Variants in PXYLP1 observed in about 807,000 individuals in gnomAD.
PXYLP1 encodes the protein acid phosphatase-like 2.
A neutral mutation model predicts 37.9 loss-of-function variants in PXYLP1; 17 were observed. The observed-to-expected ratio is 0.45, with a 90% CI of 0.31 to 0.67. The LOEUF (loss-of-function observed/expected upper bound fraction) is 0.67. Among genes scored for constraint, PXYLP1 ranks in the 30% least tolerant of loss-of-function variants. The pLI is 0.07. For synonymous variants in PXYLP1, 221 were observed against 232.2 expected (o/e 0.95, Z 0.44); for missense variants, 511 against 612.0 (o/e 0.84, Z 1.74).
chr3:141,280,538 TGAA>T (rs1182658724), intron 4 of PXYLP1, among the ~76,000 whole-genome samples: 1 of 152,370 alleles, frequency 6.6e-6, no homozygotes, highest in East Asian at 1.9e-4. Flanking sequence ...ATCCTTTGTG[TGAA>T]GAGGGTGGAG....
chr3:141,272,406 A>C (rs1941685624), intron 2 of PXYLP1, among the ~76,000 whole-genome samples: 1 of 152,174 alleles, frequency 6.6e-6, no homozygotes, highest in Non-Finnish European at 1.5e-5. Flanking sequence ...AATGGAATAA[A>C]CAAAAAATCA....
intron 2 of PXYLP1, among the ~76,000 whole-genome samples, chr3:141,266,575 G>T (rs1941516261): frequency 1.6e-5 from 2 of 127,436 alleles, no homozygotes; most frequent in Admixed American, 1.6e-4. Flanking sequence ...AACCTGCTTA[G>T]AAGTTCTCAG....
chr3:141,291,145 C>T (rs2148846805), intron 5 of PXYLP1, among the ~76,000 whole-genome samples: 1 of 152,226 alleles, frequency 6.6e-6, no homozygotes, highest in Middle Eastern at 3.4e-3. Context: ...CTCTGTCTCA[C>T]AATTTTCAGC....
intron 4 of PXYLP1, among the ~76,000 whole-genome samples, chr3:141,281,594 T>A (rs750632904): frequency 1.9e-4 from 29 of 151,944 alleles, no homozygotes; most frequent in Non-Finnish European, 3.8e-4. Context: ...ATGGAAGTAG[T>A]TTGGGTGCCA....
At chr3:141,259,583 C>G (rs1941344048) in intron 1 of PXYLP1, among the ~76,000 whole-genome samples, 1 of 152,152 alleles carries the variant, frequency 6.6e-6, no homozygotes, top group South Asian at 2.1e-4. Context: ...GCAGATGGAG[C>G]TAGTCGGTGT....
At chr3:141,244,488 T>C (rs552925622) in intron 1 of PXYLP1, among the ~76,000 whole-genome samples, 2 of 151,922 alleles carry the variant, frequency 1.3e-5, no homozygotes, top group African/African-American at 4.8e-5. Context: ...AGCAGCCATC[T>C]CCCGCTAGAC....
intron 2 of PXYLP1, chr3:141,273,930 G>T: frequency 1.0e-6 from 1 of 985,412 alleles, no homozygotes; most frequent in Non-Finnish European, 1.2e-6. Context: ...TAGATTCATG[G>T]GTTTTCCCAC....
chr3:141,253,706 C>A (rs372681831), intron 1 of PXYLP1, among the ~76,000 whole-genome samples: 3 of 120,226 alleles, frequency 2.5e-5, no homozygotes, highest in African/African-American at 8.6e-5. Context: ...AAAAAAAAAA[C>A]ACCTTTAACT....
intron 1 of PXYLP1, among the ~76,000 whole-genome samples, chr3:141,246,897 G>A (rs1372081866): frequency 6.6e-6 from 1 of 152,176 alleles, no homozygotes; most frequent in Non-Finnish European, 1.5e-5. Context: ...GCAATAACTG[G>A]TCTCATTCTC....
At chr3:141,261,317 C>T (rs1180623415) in intron 2 of PXYLP1, among the ~76,000 whole-genome samples, 1 of 152,166 alleles carries the variant, frequency 6.6e-6, no homozygotes, top group Non-Finnish European at 1.5e-5. Context: ...CCACACCTAG[C>T]TAATTTTTTG....
intron 1 of PXYLP1, among the ~76,000 whole-genome samples, chr3:141,254,485 G>A (rs2148730280): frequency 6.6e-6 from 1 of 152,344 alleles, no homozygotes; most frequent in South Asian, 2.1e-4. Flanking sequence ...GTGAATAACT[G>A]CTGTGAACTC....
intron 1 of PXYLP1, among the ~76,000 whole-genome samples, chr3:141,250,621 G>C (rs1046726471): frequency 2.6e-5 from 4 of 152,240 alleles, no homozygotes; most frequent in African/African-American, 9.6e-5. Context: ...AGGCTTCTTT[G>C]CTTCCAGTAG....
At chr3:141,271,184 A>G (rs1331288114) in intron 2 of PXYLP1, among the ~76,000 whole-genome samples, 2 of 152,232 alleles carry the variant, frequency 1.3e-5, no homozygotes, top group Non-Finnish European at 2.9e-5. Flanking sequence ...GATGAAGGAA[A>G]TGAGGCACAG....
chr3:141,289,264 G>A (rs891533866), intron 5 of PXYLP1, among the ~76,000 whole-genome samples: 1 of 138,858 alleles, frequency 7.2e-6, no homozygotes. Context: ...AAATGGTTTT[G>A]TGTTCTAGAC....
chr3:141,293,141 T>C lies in PXYLP1; in HGVS notation c.1379T>C (p.Met460Thr). The C allele has an allele frequency of 6.2e-7, 1 of 1,614,132 alleles. No homozygotes were observed. The highest frequency in any genetic ancestry group is 8.5e-7 in the Non-Finnish European group (1 of 1,180,034). The change falls in exon 6 of 6, where the codon ATG becomes ACG. Residue 460 changes from methionine (M) to threonine (T), a missense_variant. Physicochemically the swap from Met to Thr is moderately conservative, Grantham distance 81 (BLOSUM62 -1). Transcript: ENST00000286353. ...TTGGTCCGCTTTGTGAAAAGGGACA[T>C]GTTTGTAGCCCTGGGTGGCAGTGGT... Reference protein sequence around the residue: ...ENLVRFVKRDMFVALGGSGTN... With the variant: ...ENLVRFVKRDTFVALGGSGTN...
chr3:141,232,144 C>T (rs1048094636), intron 1 of PXYLP1, among the ~76,000 whole-genome samples: 1 of 152,102 alleles, frequency 6.6e-6, no homozygotes. Context: ...GGACTTGCGC[C>T]CTCTTTCCTG....
intron 1 of PXYLP1, chr3:141,236,155 C>T (rs1389919801): frequency 2.0e-5 from 3 of 152,178 alleles, no homozygotes; most frequent in Non-Finnish European, 4.4e-5. Flanking sequence ...GCTGCGTACT[C>T]GAGGGTGGAG....
chr3:141,262,771 A>G (rs1286141147), intron 2 of PXYLP1: 2 of 1,315,262 alleles, frequency 1.5e-6, no homozygotes, highest in Admixed American at 2.0e-5. Flanking sequence ...AGTGAGTTTA[A>G]TTGCTCCATT....
intron 1 of PXYLP1, among the ~76,000 whole-genome samples, chr3:141,247,298 A>G (rs925200760): frequency 6.6e-5 from 10 of 152,260 alleles, no homozygotes; most frequent in African/African-American, 2.2e-4. Flanking sequence ...TCCATGGAGC[A>G]TTATGGGAAA....
Sources: allele counts gnomAD v4.1 joint callset (sites outside exome capture counted in the v4.1 genomes callset), GRCh38; gene constraint gnomAD v4.1.1; transcripts MANE v1.5; gene names NCBI Gene and HGNC (gene_info 2026-07-23, HGNC 2026-07-21).